The following PLEKHA7 variants were observed in gnomAD, a reference collection of about 807,000 sequenced individuals.
The protein encoded by PLEKHA7 is pleckstrin homology domain-containing family A member 7.
In PLEKHA7, 104 loss-of-function variants were observed where a neutral mutation model predicts 170.0. That is an observed-to-expected ratio of 0.61 (90% CI 0.52 to 0.72). The LOEUF is 0.72. PLEKHA7 is among the 30% of genes least tolerant of loss of function. The pLI is 0.00. For missense variants in PLEKHA7, 1,615 were observed against 1,671.7 expected, an observed-to-expected ratio of 0.97 and a Z score of 0.59; for synonymous variants, 648 against 660.8, an observed-to-expected ratio of 0.98 and a Z score of 0.30.
At chr11:16,797,670 G>A (rs901345150) in intron 17 of PLEKHA7, among the ~76,000 whole-genome samples, 2 of 152,138 alleles carry the variant, frequency 1.3e-5, no homozygotes, top group African/African-American at 4.8e-5. Context: ...GCCAAAGCAT[G>A]AGCATCCTAA....
At chr11:16,947,018 C>T (rs550238579) in intron 3 of PLEKHA7, among the ~76,000 whole-genome samples, 33 of 152,288 alleles carry the variant, frequency 2.2e-4, no homozygotes, top group Non-Finnish European at 4.1e-4. Flanking sequence ...TGCGCCAGCA[C>T]CCCCTGGGAA....
intron 26 of PLEKHA7, among the ~76,000 whole-genome samples, 195 bp downstream of exon 26, chr11:16,782,559 G>T (rs1213180602): frequency 6.6e-6 from 1 of 152,228 alleles, no homozygotes; most frequent in African/African-American, 2.4e-5. Flanking sequence ...TGTGTGGCCT[G>T]CTCCACCTTC....
intron 3 of PLEKHA7, among the ~76,000 whole-genome samples, chr11:16,952,994 A>C (rs1356154628): frequency 6.6e-6 from 1 of 152,264 alleles, no homozygotes; most frequent in Non-Finnish European, 1.5e-5. Context: ...TTGACAACTG[A>C]CACTACAATA....
intron 3 of PLEKHA7, among the ~76,000 whole-genome samples, chr11:16,989,804 CA>C (rs1419946176): frequency 3.9e-5 from 6 of 152,208 alleles, no homozygotes; most frequent in Non-Finnish European, 7.3e-5. Context: ...CCCCCGCCCC[CA>C]ATGCCCACAT....
At chr11:16,798,002 G>A (rs1848352436) in intron 17 of PLEKHA7, among the ~76,000 whole-genome samples, 1 of 152,214 alleles carries the variant, frequency 6.6e-6, no homozygotes, top group Admixed American at 6.5e-5. Context: ...ATGAGGGGGT[G>A]GAGTTTCATT....
At chr11:16,965,621 G>C (rs921518841) in intron 3 of PLEKHA7, among the ~76,000 whole-genome samples, 1 of 152,116 alleles carries the variant, frequency 6.6e-6, no homozygotes, top group Non-Finnish European at 1.5e-5. Context: ...CCCTACTCCA[G>C]CTCAAAGCCC....
intron 25 of PLEKHA7, 107 bp from the exon 26 acceptor site, chr11:16,783,003 A>G: frequency 8.3e-7 from 1 of 1,211,100 alleles, no homozygotes; most frequent in Non-Finnish European, 1.1e-6. Context: ...GAGGGGGATC[A>G]GACAAAAACT....
At chr11:16,953,860 C>T (rs1386704031) in intron 3 of PLEKHA7, among the ~76,000 whole-genome samples, 1 of 152,158 alleles carries the variant, frequency 6.6e-6, no homozygotes, top group South Asian at 2.1e-4. Flanking sequence ...GTTTCTTTCA[C>T]CTCTCCCTTA....
intron 3 of PLEKHA7, among the ~76,000 whole-genome samples, chr11:16,908,814 C>A (rs921790649): frequency 3.3e-5 from 5 of 152,156 alleles, no homozygotes; most frequent in African/African-American, 4.8e-5. Flanking sequence ...AAACTTCTAT[C>A]ATTAATGCTA....
At chr11:16,993,064 T>C (rs1864140046) in intron 3 of PLEKHA7, among the ~76,000 whole-genome samples, 1 of 152,108 alleles carries the variant, frequency 6.6e-6, no homozygotes, top group South Asian at 2.1e-4. Context: ...GCCTGGGAGA[T>C]AGCCAAGGCG....
chr11:16,887,602 G>A (rs1856234836), intron 3 of PLEKHA7, among the ~76,000 whole-genome samples: 1 of 152,204 alleles, frequency 6.6e-6, no homozygotes, highest in South Asian at 2.1e-4. Flanking sequence ...CGCTGTGTTG[G>A]CCGGGCTGGT....
chr11:16,828,939 A>G (rs1173270463), intron 9 of PLEKHA7, among the ~76,000 whole-genome samples: 1 of 152,194 alleles, frequency 6.6e-6, no homozygotes, highest in African/African-American at 2.4e-5. Context: ...AACTTGGCTT[A>G]AGCTCCTACA....
intron 3 of PLEKHA7, among the ~76,000 whole-genome samples, chr11:16,937,473 T>C (rs1378576634): frequency 6.6e-6 from 1 of 152,112 alleles, no homozygotes; most frequent in African/African-American, 2.4e-5. Flanking sequence ...ATTGAGAAAT[T>C]GGCCCAGTCT....
In PLEKHA7 at chr11:16,948,649, AAC is replaced by A. The variant is rs113101282; in HGVS notation, c.221+65338_221+65339del. On this transcript the variant is annotated intron_variant, in intron 3 of 26. Coordinates refer to ENST00000531066, the MANE Select transcript of PLEKHA7 (RefSeq NM_001329630.2). ...GTGCACACACACAGAGTGAAGGAGG[AAC>A]ACACACACACACACACACACACAGA... 3.2e-3 allele frequency among the ~76,000 whole-genome samples: 294 copies of A among 92,736 alleles called. No homozygotes were observed. In the Middle Eastern group the frequency reaches 0.035, roughly 11 times the overall value. The allele number at this position is 92,736 out of a possible 152,430, so 60.8% of individuals were successfully genotyped here. A position where few individuals can be genotyped will look rare whatever the true frequency, so the allele number is the denominator to read the frequency against.
intron 10 of PLEKHA7, among the ~76,000 whole-genome samples, chr11:16,821,736 G>A (rs184438859): frequency 2.1e-4 from 32 of 152,224 alleles, no homozygotes; most frequent in African/African-American, 7.0e-4. Context: ...AAAAAATCTG[G>A]GACTATAAGA....
At chr11:16,860,866 C>T (rs1234267215) in intron 4 of PLEKHA7, among the ~76,000 whole-genome samples, 5 of 152,196 alleles carry the variant, frequency 3.3e-5, no homozygotes, top group African/African-American at 1.2e-4. Context: ...GACTCCTCCA[C>T]AAGTCACATC....
At chr11:16,923,884 G>A (rs1859287961) in intron 3 of PLEKHA7, among the ~76,000 whole-genome samples, 1 of 152,108 alleles carries the variant, frequency 6.6e-6, no homozygotes, top group East Asian at 1.9e-4. Flanking sequence ...TCCGTTAACA[G>A]GACTGAAAAC....
At chr11:16,840,570 C>G (rs1450914987) in intron 9 of PLEKHA7, among the ~76,000 whole-genome samples, 2 of 152,042 alleles carry the variant, frequency 1.3e-5, no homozygotes, top group Admixed American at 6.6e-5. Context: ...GAAAACAAAA[C>G]AAAACAAAAC....
intron 18 of PLEKHA7, 50 bp downstream of exon 18, chr11:16,794,860 C>G (rs1164015073): frequency 5.9e-6 from 9 of 1,536,244 alleles, no homozygotes; most frequent in Non-Finnish European, 8.1e-6. Context: ...ACCCTCCCAC[C>G]ACCCTGCCCC....
Sources: allele counts gnomAD v4.1 joint callset (sites outside exome capture counted in the v4.1 genomes callset), GRCh38; gene constraint gnomAD v4.1.1; transcripts MANE v1.5; gene names NCBI Gene and HGNC (gene_info 2026-07-23, HGNC 2026-07-21).